Variants in FER observed in about 807,000 individuals in gnomAD.
FER encodes the protein FER tyrosine kinase.
A neutral mutation model predicts 111.0 loss-of-function variants in FER; 63 were observed. The ratio of observed to expected loss-of-function variants is 0.57; its 90% CI spans 0.46 to 0.70. The LOEUF is 0.70. Among genes scored for constraint, FER ranks in the 30% least tolerant of loss-of-function variants. The probability of loss-of-function intolerance (pLI) is 0.00; values close to 1 mark genes in which losing one functional copy is unlikely to be tolerated. For synonymous variants in FER, 327 were observed against 313.9 expected (o/e 1.04, Z -0.44); for missense variants, 914 against 954.0 (o/e 0.96, Z 0.55).
At chr5:108,898,840 T>C (rs977985768) in intron 10 of FER, among the ~76,000 whole-genome samples, 5 of 151,532 alleles carry the variant, frequency 3.3e-5, no homozygotes, top group Non-Finnish European at 5.9e-5. Context: ...GGGTAGAGAT[T>C]GGTGATGCTG....
At chr5:109,098,382 GA>G (rs1238234804) in intron 16 of FER, among the ~76,000 whole-genome samples, 4 of 151,708 alleles carry the variant, frequency 2.6e-5, no homozygotes, top group Admixed American at 6.6e-5. Flanking sequence ...GTGCTAACTG[GA>G]AAAAAAGTAT....
chr5:109,060,807 G>A (rs183444858), intron 16 of FER, among the ~76,000 whole-genome samples: 1,782 of 150,708 alleles, frequency 0.012, 18 homozygotes, highest in Non-Finnish European at 0.02. Flanking sequence ...ACACACATAT[G>A]TAAACATCTA....
chr5:109,111,185 G>T (rs1244600484), intron 17 of FER, among the ~76,000 whole-genome samples: 1 of 152,144 alleles, frequency 6.6e-6, no homozygotes, highest in Non-Finnish European at 1.5e-5. Flanking sequence ...TTTATAGAGG[G>T]TTATATTTTC....
intron 10 of FER, among the ~76,000 whole-genome samples, chr5:108,939,580 C>G (rs763254598): frequency 5.3e-5 from 8 of 152,076 alleles, no homozygotes; most frequent in Non-Finnish European, 1.2e-4. Flanking sequence ...GTGACAGTTT[C>G]TCTCAGAGAG....
chr5:109,007,519 C>T (rs550453386), intron 13 of FER, among the ~76,000 whole-genome samples: 2 of 152,288 alleles, frequency 1.3e-5, no homozygotes, highest in Admixed American at 6.5e-5. Flanking sequence ...TACAAGGAAT[C>T]GTACAGTATG....
At chr5:109,043,821 ATT>A (rs1771543798) in intron 14 of FER, among the ~76,000 whole-genome samples, 1 of 152,002 alleles carries the variant, frequency 6.6e-6, no homozygotes, top group Non-Finnish European at 1.5e-5. Context: ...AAATACAAAA[ATT>A]AGCTGGGTGT....
At chr5:108,756,463 T>C (rs993503080) in intron 1 of FER, among the ~76,000 whole-genome samples, 1 of 151,954 alleles carries the variant, frequency 6.6e-6, no homozygotes, top group African/African-American at 2.4e-5. Context: ...CAAATTTATG[T>C]ATTTGGCTAA....
intron 16 of FER, among the ~76,000 whole-genome samples, chr5:109,080,871 C>A (rs575020681): frequency 1.3e-5 from 2 of 152,014 alleles, no homozygotes; most frequent in African/African-American, 4.8e-5. Context: ...TTCAACAGGT[C>A]ACGTATGCAC....
At chr5:109,156,280 A>T (rs116196974) in intron 17 of FER, among the ~76,000 whole-genome samples, 2,705 of 152,164 alleles carry the variant, frequency 0.018, 48 homozygotes, top group Middle Eastern at 0.034. Context: ...CCTTAAGTTC[A>T]TAAGGTGGAC....
intron 17 of FER, among the ~76,000 whole-genome samples, chr5:109,146,214 A>C: frequency 7.7e-6 from 1 of 129,926 alleles, no homozygotes; most frequent in Non-Finnish European, 1.6e-5. Context: ...TCTATTTTAT[A>C]TATATATATT....
chr5:108,753,288 A>G, intron 1 of FER, among the ~76,000 whole-genome samples: 2 of 152,300 alleles, frequency 1.3e-5, no homozygotes, highest in African/African-American at 4.8e-5. Flanking sequence ...ACTTAAATTT[A>G]AATTTACAAT....
chr5:108,853,826 G>C (rs1762749203), intron 5 of FER, among the ~76,000 whole-genome samples: 1 of 152,174 alleles, frequency 6.6e-6, no homozygotes, highest in African/African-American at 2.4e-5. Context: ...GGAGTGTTTT[G>C]AGCAGAGGAG....
At chr5:109,132,939 T>G (rs569016213) in intron 17 of FER, among the ~76,000 whole-genome samples, 1 of 152,106 alleles carries the variant, frequency 6.6e-6, no homozygotes, top group African/African-American at 2.4e-5. Flanking sequence ...TGTGGGCAGA[T>G]AGAAAGGGTG....
chr5:108,800,042 C>T (rs1309532245), intron 3 of FER, among the ~76,000 whole-genome samples: 1 of 151,936 alleles, frequency 6.6e-6, no homozygotes, highest in African/African-American at 2.4e-5. Context: ...GGGGTTTCAT[C>T]ATGTTGGCTA....
At chr5:108,909,664 T>C (rs564717505) in intron 10 of FER, among the ~76,000 whole-genome samples, 9 of 152,044 alleles carry the variant, frequency 5.9e-5, no homozygotes, top group Non-Finnish European at 1.2e-4. Context: ...ATACTGGTGA[T>C]GTTAGAAAAA....
chr5:109,098,370 A>T (rs557722034), intron 16 of FER, among the ~76,000 whole-genome samples: 1 of 151,874 alleles, frequency 6.6e-6, no homozygotes, highest in African/African-American at 2.4e-5. Context: ...GCAGATGATA[A>T]AGTGCTAACT....
rs984495121 is a variant in FER at position 109,093,518 on chromosome 5, G to C, written c.1925-6878G>C. 6.6e-5 allele frequency among the ~76,000 whole-genome samples: 10 copies of C among 152,148 alleles called. No homozygotes were observed. In the South Asian group the frequency reaches 2.1e-3, roughly 32 times the overall value. On this transcript the variant is annotated intron_variant, in intron 16 of 19. Coordinates refer to ENST00000281092, the MANE Select transcript of FER (RefSeq NM_005246.4). The stretch of plus-strand genomic sequence containing the variant: ...ATGTTTTTAATTATTTAAATAGTAA[G>C]ATTGTATGACATTTTCTGTTTTTAA...
intron 2 of FER, among the ~76,000 whole-genome samples, chr5:108,792,821 A>G (rs2150029150): frequency 6.6e-6 from 1 of 151,856 alleles, no homozygotes; most frequent in East Asian, 1.9e-4. Flanking sequence ...GTATAAATAT[A>G]ATTTATTTTG....
chr5:108,765,256 A>C (rs1752191883), intron 1 of FER, among the ~76,000 whole-genome samples: 1 of 152,222 alleles, frequency 6.6e-6, no homozygotes, highest in East Asian at 1.9e-4. Context: ...AATTTTAAAA[A>C]GTTCCATTTA....
Sources: allele counts gnomAD v4.1 joint callset (sites outside exome capture counted in the v4.1 genomes callset), GRCh38; gene constraint gnomAD v4.1.1; transcripts MANE v1.5; gene names NCBI Gene and HGNC (gene_info 2026-07-23, HGNC 2026-07-21).